The following ARHGEF12 variants were observed in gnomAD, a reference collection of about 807,000 sequenced individuals.
ARHGEF12 encodes the protein Rho guanine nucleotide exchange factor 12, also known as KMT2A/ARHGEF12 fusion protein.
In ARHGEF12, 66 loss-of-function variants were observed where a neutral mutation model predicts 211.2. The observed-to-expected ratio is 0.31, with a 90% CI of 0.26 to 0.38. The LOEUF is 0.38. ARHGEF12 is among the 10% of genes least tolerant of loss of function. The pLI, the probability that ARHGEF12 is intolerant of heterozygous loss-of-function variation, is 1.00. For synonymous variants in ARHGEF12, 592 were observed against 638.4 expected (o/e 0.93, Z 1.09); for missense variants, 1,429 against 1,869.5 (o/e 0.76, Z 4.34).
chr11:120,464,013 T>A (rs1946621205), intron 27 of ARHGEF12: 1 of 152,212 alleles, frequency 6.6e-6, no homozygotes, highest in Non-Finnish European at 1.5e-5. Context: ...TCATGGCACA[T>A]GCAAACTTAA....
At chr11:120,457,432 C>T in intron 23 of ARHGEF12, 182 bp downstream of exon 23, 3 of 598,760 alleles carry the variant, frequency 5.0e-6, no homozygotes, top group Non-Finnish European at 5.2e-6. Context: ...AGTTTGAGAC[C>T]AGCCTGGGCA....
chr11:120,399,964 A>G (rs986892793), intron 1 of ARHGEF12, among the ~76,000 whole-genome samples: 1 of 152,142 alleles, frequency 6.6e-6, no homozygotes, highest in South Asian at 2.1e-4. Flanking sequence ...AAAGTTCTCA[A>G]GCTCAGACTG....
At chr11:120,340,247 A>G (rs529810066) in intron 1 of ARHGEF12, among the ~76,000 whole-genome samples, 5 of 152,326 alleles carry the variant, frequency 3.3e-5, no homozygotes, top group African/African-American at 9.6e-5. Context: ...ATTTCTTCTG[A>G]GAGGTAGACA....
intron 1 of ARHGEF12, among the ~76,000 whole-genome samples, chr11:120,370,220 T>C (rs1943552402): frequency 6.6e-6 from 1 of 152,162 alleles, no homozygotes; most frequent in Non-Finnish European, 1.5e-5. Flanking sequence ...GGAGAATCAG[T>C]CGTCTAGCCC....
intron 34 of ARHGEF12, 42 bp from the exon 35 acceptor site, chr11:120,477,177 T>TTGTTG (rs111312404): frequency 0.39 from 584,945 of 1,497,238 alleles, 126,939 homozygotes; most frequent in African/African-American, 0.5. Flanking sequence ...GATATTTCTT[T>TTGTTG]TTTCTTTTTT....
At chr11:120,353,506 A>G (rs1213993311) in intron 1 of ARHGEF12, among the ~76,000 whole-genome samples, 1 of 152,162 alleles carries the variant, frequency 6.6e-6, no homozygotes, top group Non-Finnish European at 1.5e-5. Context: ...CCTCAAGACT[A>G]TCCATCCAGT....
intron 1 of ARHGEF12, among the ~76,000 whole-genome samples, chr11:120,357,334 G>C (rs1056348732): frequency 3.9e-5 from 6 of 152,152 alleles, no homozygotes; most frequent in African/African-American, 1.2e-4. Flanking sequence ...TATACTGCCA[G>C]ATATGGTCAG....
chr11:120,402,412 A>T (rs867114010), intron 1 of ARHGEF12, among the ~76,000 whole-genome samples: 1 of 152,178 alleles, frequency 6.6e-6, no homozygotes, highest in Non-Finnish European at 1.5e-5. Context: ...ATTTCACTCA[A>T]AATCAAGTTG....
In ARHGEF12 at chr11:120,420,808, G is replaced by A. The variant is rs772648089; in HGVS notation, c.255G>A (p.Thr85=). ...AAGATGACAATGGATTTGGGCTGAC[G>A]GTCAGTGGAGACAATCCAGTCTTCG... The part of the protein sequence containing the change: ...IQKDDNGFGL[T]VSGDNPVFVQ... The change falls in exon 5 of 41, where the codon ACG becomes ACA. Residue 85 remains threonine (T), a synonymous_variant. Coordinates refer to ENST00000397843, the MANE Select transcript of ARHGEF12 (RefSeq NM_015313.3). 1.2e-5 allele frequency: 20 copies of A among 1,613,930 alleles called. No homozygotes were observed. Among genetic ancestry groups the A allele is most frequent in the Middle Eastern group, 3.3e-4 (2 of 6,084 alleles).
At chr11:120,462,231 T>A (rs1946556250) in intron 27 of ARHGEF12, among the ~76,000 whole-genome samples, 1 of 152,132 alleles carries the variant, frequency 6.6e-6, no homozygotes, top group South Asian at 2.1e-4. Context: ...AAATTCAATA[T>A]TGTTGTGTCT....
intron 12 of ARHGEF12, chr11:120,439,779 G>A (rs903631057): frequency 6.1e-6 from 1 of 164,656 alleles, no homozygotes; most frequent in Non-Finnish European, 1.3e-5. Context: ...TTTTCTGTAA[G>A]AAGTTTTAAG....
chr11:120,428,112 G>T lies in ARHGEF12; in HGVS notation c.450G>T (p.Gly150=). The T allele has an allele frequency of 6.2e-7, 1 of 1,608,034 alleles. No individual in the cohort carries two copies. The highest frequency in any genetic ancestry group is 8.5e-7 in the Non-Finnish European group (1 of 1,177,498). The stretch of plus-strand genomic sequence containing the variant: ...TCACTGTTCAGGGACGCCCACCTGG[G>T]TCGCCCCAGATTCCACTTGCCGACT... ...VALTVQGRPP[G]SPQIPLADSE... is the part of the protein sequence containing the mutation. Residue 150 remains glycine, a synonymous_variant, in exon 8 of 41, where the codon GGG becomes GGT. Coordinates refer to ENST00000397843, the MANE Select transcript of ARHGEF12 (RefSeq NM_015313.3).
At chr11:120,342,132 C>T (rs572189191) in intron 1 of ARHGEF12, among the ~76,000 whole-genome samples, 94 of 152,008 alleles carry the variant, frequency 6.2e-4, no homozygotes, top group South Asian at 1.9e-3. Context: ...TGTTTTTTTT[C>T]ATTTTAAATT....
intron 1 of ARHGEF12, among the ~76,000 whole-genome samples, chr11:120,338,832 A>G (rs1942439203): frequency 6.6e-6 from 1 of 152,180 alleles, no homozygotes; most frequent in East Asian, 1.9e-4. Context: ...CACACAAGTG[A>G]GTGAAAAGCC....
intron 1 of ARHGEF12, among the ~76,000 whole-genome samples, chr11:120,380,604 CA>C (rs1376183454): frequency 6.6e-6 from 1 of 152,184 alleles, no homozygotes; most frequent in African/African-American, 2.4e-5. Context: ...TTCCTCTCAT[CA>C]GGGGTGCATG....
At chr11:120,428,853 A>C (rs1001108132) in intron 8 of ARHGEF12, among the ~76,000 whole-genome samples, 21 of 152,190 alleles carry the variant, frequency 1.4e-4, no homozygotes, top group Admixed American at 1.4e-3. Context: ...GCATAGTGGG[A>C]GATGAACTTG....
intron 1 of ARHGEF12, among the ~76,000 whole-genome samples, chr11:120,352,744 C>T (rs1304616179): frequency 6.6e-6 from 1 of 152,108 alleles, no homozygotes; most frequent in East Asian, 1.9e-4. Context: ...GAGGGTGGAA[C>T]CAGTTTCCCA....
chr11:120,476,820 T>C, intron 34 of ARHGEF12, 72 bp downstream of exon 34: 1 of 1,250,968 alleles, frequency 8.0e-7, no homozygotes, highest in Non-Finnish European at 1.1e-6. Flanking sequence ...TCCATAAACT[T>C]AACTTTGTTT....
intron 1 of ARHGEF12, among the ~76,000 whole-genome samples, chr11:120,339,032 A>G (rs953339800): frequency 2.4e-5 from 3 of 124,052 alleles, no homozygotes; most frequent in African/African-American, 9.7e-5. Flanking sequence ...TTGGCCAGGC[A>G]CTGTGCAGGC....
Sources: gnomAD v4.1 joint callset for allele counts (sites outside exome capture counted in the v4.1 genomes callset) on GRCh38, gnomAD v4.1.1 for gene constraint, MANE v1.5 for transcripts, NCBI Gene and HGNC (gene_info 2026-07-23, HGNC 2026-07-21) for gene names.